Variants in SPMIP2 observed in about 807,000 individuals in gnomAD.
The protein encoded by SPMIP2 is sperm microtubule inner protein 2.
At chr4:159,036,161 G>A in the SPMIP2 span, among the ~76,000 whole-genome samples, 1 of 152,162 alleles carries the variant, frequency 6.6e-6, no homozygotes, top group African/African-American at 2.4e-5. Flanking sequence ...ATATGGAGTT[G>A]TCTACTGTAA....
the SPMIP2 span, among the ~76,000 whole-genome samples, chr4:158,918,103 A>G: frequency 2.0e-5 from 3 of 152,336 alleles, no homozygotes; most frequent in East Asian, 5.8e-4. Context: ...GCTCCTTAAA[A>G]GGCCCGGAGT....
chr4:159,054,392 T>C, the SPMIP2 span, among the ~76,000 whole-genome samples: 2 of 152,188 alleles, frequency 1.3e-5, no homozygotes, highest in Non-Finnish European at 2.9e-5. Flanking sequence ...CCATCTTGCA[T>C]GGATGCAGGA....
the SPMIP2 span, among the ~76,000 whole-genome samples, chr4:159,047,589 G>A: frequency 1.7e-4 from 26 of 152,260 alleles, no homozygotes; most frequent in South Asian, 4.1e-4. Context: ...TATCTGTTGA[G>A]TCATAGTCAC....
the SPMIP2 span, among the ~76,000 whole-genome samples, chr4:159,071,279 AT>A: frequency 6.6e-6 from 1 of 152,056 alleles, no homozygotes; most frequent in African/African-American, 2.4e-5. Flanking sequence ...TATACAGGAG[AT>A]TGTATTTAGG....
the SPMIP2 span, among the ~76,000 whole-genome samples, chr4:159,072,207 A>G: frequency 6.6e-6 from 1 of 152,178 alleles, no homozygotes; most frequent in African/African-American, 2.4e-5. Flanking sequence ...ATAGCCACTC[A>G]GGAATCTGAG....
At chr4:159,021,053 A>G in the SPMIP2 span, among the ~76,000 whole-genome samples, 7 of 152,078 alleles carry the variant, frequency 4.6e-5, no homozygotes, top group South Asian at 2.1e-4. Context: ...GAGCCACCGC[A>G]CCCGGCCTCT....
chr4:158,904,205 A>G, the SPMIP2 span, among the ~76,000 whole-genome samples: 4 of 152,196 alleles, frequency 2.6e-5, no homozygotes, highest in African/African-American at 9.6e-5. Context: ...GCCAAGGGAA[A>G]AAGAGCTTTA....
At chr4:159,066,710 G>A in the SPMIP2 span, among the ~76,000 whole-genome samples, 1 of 151,262 alleles carries the variant, frequency 6.6e-6, no homozygotes, top group Non-Finnish European at 1.5e-5. Flanking sequence ...ACCCTCTGTG[G>A]AAGAAAACAG....
the SPMIP2 span, among the ~76,000 whole-genome samples, chr4:158,980,916 C>T: frequency 6.6e-6 from 1 of 151,984 alleles, no homozygotes; most frequent in African/African-American, 2.4e-5. Context: ...CTCCTCCTAG[C>T]TAAAGGAGCA....
At chr4:158,964,077 C>T in the SPMIP2 span, among the ~76,000 whole-genome samples, 1 of 151,928 alleles carries the variant, frequency 6.6e-6, no homozygotes, top group Admixed American at 6.6e-5. Flanking sequence ...ATGGCCTGAA[C>T]CCGGGAGGCG....
At chr4:158,991,387 A>C in the SPMIP2 span, among the ~76,000 whole-genome samples, 102 of 152,282 alleles carry the variant, frequency 6.7e-4, no homozygotes, top group Admixed American at 1.4e-3. Context: ...GTATTTGCAA[A>C]AAGTGCAAGG....
At chr4:159,043,252 A>T in the SPMIP2 span, among the ~76,000 whole-genome samples, 1 of 152,212 alleles carries the variant, frequency 6.6e-6, no homozygotes, top group Non-Finnish European at 1.5e-5. Context: ...CAGAGAGGGA[A>T]TGTTTCCCCA....
At chr4:159,071,353 A>G in the SPMIP2 span, among the ~76,000 whole-genome samples, 1 of 152,176 alleles carries the variant, frequency 6.6e-6, no homozygotes, top group African/African-American at 2.4e-5. Context: ...CTGGTATCTC[A>G]GGTAAAGTTG....
the SPMIP2 span, among the ~76,000 whole-genome samples, chr4:159,072,596 C>T: frequency 2.0e-5 from 3 of 151,462 alleles, no homozygotes; most frequent in Non-Finnish European, 4.4e-5. Flanking sequence ...CCGAGCAGCT[C>T]AGATTACAGA....
chr4:159,069,250 C>T, the SPMIP2 span, among the ~76,000 whole-genome samples: 962 of 152,146 alleles, frequency 6.3e-3, 5 homozygotes, highest in Non-Finnish European at 9.8e-3. Context: ...TTACAGTGGG[C>T]CAAGATCGTG....
At chr4:158,942,455 C>T in the SPMIP2 span, among the ~76,000 whole-genome samples, 1 of 152,120 alleles carries the variant, frequency 6.6e-6, no homozygotes, top group African/African-American at 2.4e-5. Context: ...AACCCAGCAT[C>T]GAGCATTGTA....
the SPMIP2 span, among the ~76,000 whole-genome samples, chr4:158,980,251 G>T: frequency 6.6e-6 from 1 of 152,160 alleles, no homozygotes; most frequent in Non-Finnish European, 1.5e-5. Flanking sequence ...CAGAGCATAT[G>T]GGGGAAGGGG....
chr4:159,068,906 T>C, the SPMIP2 span, among the ~76,000 whole-genome samples: 1 of 152,218 alleles, frequency 6.6e-6, no homozygotes, highest in Admixed American at 6.5e-5. Flanking sequence ...TAGATCCTTT[T>C]GGGAGCTACC....
At chr4:159,012,502 A>T in the SPMIP2 span, among the ~76,000 whole-genome samples, 1 of 152,214 alleles carries the variant, frequency 6.6e-6, no homozygotes, top group Non-Finnish European at 1.5e-5. Flanking sequence ...ACATGGTGAG[A>T]ACACTGCTAG....
Sources: allele counts gnomAD v4.1 joint callset (sites outside exome capture counted in the v4.1 genomes callset), GRCh38; gene constraint gnomAD v4.1.1; transcripts MANE v1.5; gene names NCBI Gene and HGNC (gene_info 2026-07-23, HGNC 2026-07-21).